SLC30A6: variants seen among roughly 807,000 people sequenced by gnomAD.
SLC30A6 encodes the protein solute carrier family 30 member 6, also known as zinc transporter 6.
Under a neutral mutation model 63.0 loss-of-function variants are expected in SLC30A6, and 55 were observed. The observed-to-expected ratio is 0.87, with a 90% CI of 0.70 to 1.09. SLC30A6 has a LOEUF of 1.09. Ranked by LOEUF, SLC30A6 falls within the 50% of genes least tolerant of loss-of-function variation. The pLI is 0.00. For synonymous variants in SLC30A6, 224 were observed against 186.1 expected (o/e 1.20, Z -1.66); for missense variants, 587 against 549.2 (o/e 1.07, Z -0.69).
chr2:32,189,560 G>A (rs1039690742), intron 5 of SLC30A6, among the ~76,000 whole-genome samples: 5 of 138,468 alleles, frequency 3.6e-5, no homozygotes, highest in African/African-American at 1.4e-4. Context: ...GCCTCCCAAA[G>A]TGCTGGGATT....
At chr2:32,213,955 A>G (rs973624824) in intron 13 of SLC30A6, among the ~76,000 whole-genome samples, 3 of 152,002 alleles carry the variant, frequency 2.0e-5, no homozygotes, top group African/African-American at 4.8e-5. Context: ...GAAAGAAGCT[A>G]TCTGTGAAAC....
chr2:32,193,750 A>G, intron 7 of SLC30A6, 139 bp from the exon 8 acceptor site: 1 of 630,782 alleles, frequency 1.6e-6, no homozygotes, highest in South Asian at 2.0e-5. Context: ...AACTAAGTTC[A>G]GATTCTGTAT....
chr2:32,172,641 A>G (rs1681340256), intron 2 of SLC30A6, among the ~76,000 whole-genome samples: 1 of 152,228 alleles, frequency 6.6e-6, no homozygotes, highest in South Asian at 2.1e-4. Context: ...AAGCAACTGA[A>G]TGTAACCTGA....
chr2:32,192,825 T>C, intron 6 of SLC30A6, 93 bp from the exon 7 acceptor site: 1 of 746,098 alleles, frequency 1.3e-6, no homozygotes, highest in Non-Finnish European at 2.1e-6. Flanking sequence ...TAAAAGATTT[T>C]GTGAACTTTA....
intron 12 of SLC30A6, among the ~76,000 whole-genome samples, chr2:32,207,232 G>T (rs1044647105): frequency 6.7e-6 from 1 of 149,820 alleles, no homozygotes; most frequent in African/African-American, 2.5e-5. Context: ...TTTTTTTTTT[G>T]AGACAGTCTT....
At chr2:32,186,996 CAAAAAAAA>C (rs760128005) in intron 5 of SLC30A6, among the ~76,000 whole-genome samples, 3 of 51,312 alleles carry the variant, frequency 5.8e-5, no homozygotes, top group Non-Finnish European at 8.4e-5. Flanking sequence ...ACGCTGTCTC[CAAAAAAAA>C]AAAAAAAAAA....
intron 13 of SLC30A6, among the ~76,000 whole-genome samples, chr2:32,213,687 G>GT (rs1187368521): frequency 8.0e-5 from 12 of 149,722 alleles, no homozygotes; most frequent in Non-Finnish European, 1.5e-4. Context: ...ATAATTTTTA[G>GT]TTTTCTTAGT....
chr2:32,205,662 C>CTTT (rs745414068), intron 11 of SLC30A6, among the ~76,000 whole-genome samples: 1,080 of 87,116 alleles, frequency 0.012, 7 homozygotes, highest in Non-Finnish European at 0.014. Flanking sequence ...AATGTTACTT[C>CTTT]TTTTTTTTTT....
rs1193348947 is a variant in SLC30A6 at position 32,212,583 on chromosome 2, CTT to C, written c.885+3049_885+3050del. On this transcript the variant is annotated intron_variant, in intron 13 of 13. Coordinates refer to ENST00000282587, the MANE Select transcript of SLC30A6 (RefSeq NM_017964.5). ...CTTTCTTCCTCTCTGCCATTTTTACCTTTTTTTTTTTTTTTTTTTTTTTTTTT... is the reference window on the plus strand; with the variant it reads ...CTTTCTTCCTCTCTGCCATTTTTACCTTTTTTTTTTTTTTTTTTTTTTTTT... Among the ~76,000 whole-genome samples the C allele has an allele frequency of 2.4e-3, 200 of 82,978 alleles. 1 individual carries two copies. The highest frequency in any genetic ancestry group is 0.01 in the Middle Eastern group (1 of 100). 54.4% of individuals were successfully genotyped at this position (82,978 alleles called of 152,430 possible). A position where few individuals can be genotyped will look rare whatever the true frequency, so the allele number is the denominator to read the frequency against.
Position 32,192,951 on chromosome 2 carries a change from C to G in SLC30A6, c.399C>G (p.His133Gln), listed in dbSNP as rs919442574. Residue 133 changes from histidine (H) to glutamine (Q), a missense_variant and splice_region_variant, in exon 7 of 14, where the codon CAC (histidine) becomes CAG (glutamine). By Grantham distance (24) the His-to-Gln change is conservative. Transcript: ENST00000282587. ...AERFLEQPEI[H>Q]TGRLLVGTFV... The stretch of plus-strand genomic sequence containing the variant: ...GCTTTTTGGAACAGCCCGAGATACA[C>G]ACGTGAGATTTTATTTTCAATATAT... The G allele has an allele frequency of 6.6e-7, 1 of 1,509,954 alleles. No homozygotes were observed. Among genetic ancestry groups the G allele is most frequent in the Non-Finnish European group, 9.0e-7 (1 of 1,112,414 alleles). 93.5% of individuals were successfully genotyped at this position (1,509,954 alleles called of 1,614,324 possible).
At chr2:32,174,710 C>T (rs1255396588) in intron 3 of SLC30A6, among the ~76,000 whole-genome samples, 1 of 151,394 alleles carries the variant, frequency 6.6e-6, no homozygotes, top group East Asian at 2.0e-4. Context: ...CGTACCACCA[C>T]GCCTGGCTAA....
intron 3 of SLC30A6, among the ~76,000 whole-genome samples, chr2:32,174,965 T>C (rs1681597616): frequency 6.6e-6 from 1 of 152,222 alleles, no homozygotes; most frequent in African/African-American, 2.4e-5. Context: ...TTTTTTCTTA[T>C]ATCTTTTTAT....
chr2:32,174,649 G>A (rs1038959674), intron 3 of SLC30A6, among the ~76,000 whole-genome samples: 1 of 146,040 alleles, frequency 6.8e-6, no homozygotes, highest in South Asian at 2.2e-4. Context: ...CACCTCCCTG[G>A]TTCAAGCGAT....
chr2:32,170,335 T>C (rs147825008), intron 1 of SLC30A6, among the ~76,000 whole-genome samples: 2 of 152,330 alleles, frequency 1.3e-5, no homozygotes, highest in African/African-American at 2.4e-5. Context: ...CCCAGTGATA[T>C]TGGATACTGC....
intron 11 of SLC30A6, 114 bp from the exon 12 acceptor site, chr2:32,206,772 C>A (rs1390117289): frequency 2.6e-6 from 2 of 767,288 alleles, no homozygotes; most frequent in Non-Finnish European, 4.6e-6. Context: ...CATGATAGGA[C>A]AGCTGTCAAA....
intron 5 of SLC30A6, among the ~76,000 whole-genome samples, chr2:32,184,739 T>G (rs1014705101): frequency 6.6e-6 from 1 of 152,186 alleles, no homozygotes; most frequent in African/African-American, 2.4e-5. Flanking sequence ...CACTCCAGCC[T>G]GGGCAACAGA....
At chr2:32,199,400 TTATC>T (rs1327694307) in intron 10 of SLC30A6, among the ~76,000 whole-genome samples, 1 of 152,212 alleles carries the variant, frequency 6.6e-6, no homozygotes, top group Non-Finnish European at 1.5e-5. Flanking sequence ...AATTCTGTAT[TTATC>T]TAATTTATTT....
chr2:32,209,281 C>T (rs1441868430), intron 12 of SLC30A6, among the ~76,000 whole-genome samples: 1 of 152,104 alleles, frequency 6.6e-6, no homozygotes, highest in African/African-American at 2.4e-5. Context: ...AGAATTGGGG[C>T]AAGCAAGAAA....
intron 13 of SLC30A6, among the ~76,000 whole-genome samples, chr2:32,213,773 T>C (rs1331901050): frequency 7.3e-5 from 11 of 151,220 alleles, no homozygotes; most frequent in Non-Finnish European, 1.5e-4. Flanking sequence ...CTATTTTTCC[T>C]ATATTAACAG....
Sources: allele counts gnomAD v4.1 joint callset (sites outside exome capture counted in the v4.1 genomes callset), GRCh38; gene constraint gnomAD v4.1.1; transcripts MANE v1.5; gene names NCBI Gene and HGNC (gene_info 2026-07-23, HGNC 2026-07-21).